Variants in TUT7 observed in about 807,000 individuals in gnomAD.
TUT7 encodes the protein terminal uridylyltransferase 7.
A neutral mutation model predicts 165.9 loss-of-function variants in TUT7; 33 were observed. The ratio of observed to expected loss-of-function variants is 0.20; its 90% CI spans 0.15 to 0.27. TUT7 has a LOEUF of 0.27. Ranked by LOEUF, TUT7 falls within the 10% of genes least tolerant of loss-of-function variation. The pLI is 1.00. For missense variants in TUT7, 1,338 were observed against 1,762.3 expected, an observed-to-expected ratio of 0.76 and a Z score of 4.31; for synonymous variants, 552 against 608.1, an observed-to-expected ratio of 0.91 and a Z score of 1.36.
rs149486999 is a variant in TUT7, at chr9:86,328,356, G to A, written c.1592C>T (p.Pro531Leu). The change falls in exon 11 of 27, where the codon CCG becomes CTG. Residue 531 changes from proline to leucine, a missense_variant. Coordinates refer to ENST00000375963, the MANE Select transcript of TUT7 (RefSeq NM_024617.4). ...ITKEEAPRET[P>L]IKRGQVSLIL... ...AGAACAGACCTGTCCCCTTTTAATCGGCGTTTCTCTTGGTGCCTCTTCTTT... is the reference window on the plus strand; with the variant it reads ...AGAACAGACCTGTCCCCTTTTAATCAGCGTTTCTCTTGGTGCCTCTTCTTT... The A allele has an allele frequency of 1.2e-5, 20 of 1,600,508 alleles. No homozygotes were observed. The highest frequency in any genetic ancestry group is 1.6e-5 in the Non-Finnish European group (19 of 1,174,222).
chr9:86,338,526 C>T (rs1338846991), intron 9 of TUT7, among the ~76,000 whole-genome samples: 1 of 152,134 alleles, frequency 6.6e-6, no homozygotes, highest in Non-Finnish European at 1.5e-5. Flanking sequence ...GCCTAACAAC[C>T]ACTGTGGTAA....
rs1356680304 is a variant in TUT7, at chr9:86,310,748, C to G, written c.3336G>C (p.Leu1112Phe). The G allele has an allele frequency of 1.2e-6, 2 of 1,613,450 alleles. No individual in the cohort carries two copies. The highest frequency in any genetic ancestry group is 2.2e-5 in the South Asian group (2 of 91,050). ...TGATATCTACTTCCAGACCACTTCTCAAATGGAAGAACTTCACAATTGGCA... is the reference window on the plus strand; with the variant it reads ...TGATATCTACTTCCAGACCACTTCTGAAATGGAAGAACTTCACAATTGGCA... The part of the protein sequence containing the change: ...AKVPIVKFFH[L>F]RSGLEVDISL... The change falls in exon 18 of 27, where the codon TTG becomes TTC. Residue 1112 changes from leucine (L) to phenylalanine (F), a missense_variant. By Grantham distance (22) the Leu-to-Phe change is conservative. Coordinates refer to ENST00000375963, the MANE Select transcript of TUT7 (RefSeq NM_024617.4).
chr9:86,299,654 A>G (rs568595864), intron 26 of TUT7, among the ~76,000 whole-genome samples: 2 of 152,270 alleles, frequency 1.3e-5, no homozygotes, highest in East Asian at 1.9e-4. Flanking sequence ...CCCGCCCCGC[A>G]TCTTTTTGAG....
At chr9:86,342,966 A>T in intron 6 of TUT7, 109 bp downstream of exon 6, 1 of 773,644 alleles carries the variant, frequency 1.3e-6, no homozygotes, top group Non-Finnish European at 2.1e-6. Flanking sequence ...TGCTGTCATT[A>T]CACTTAAAAT....
chr9:86,305,974 ATTT>A (rs1224682971), intron 22 of TUT7, among the ~76,000 whole-genome samples: 1 of 152,216 alleles, frequency 6.6e-6, no homozygotes, highest in Non-Finnish European at 1.5e-5. Flanking sequence ...AATGTCAAAG[ATTT>A]ATGTGAGGTG....
At position 86,325,510 on chromosome 9, in the gene TUT7, G is replaced by A; in HGVS notation, c.1613C>T (p.Ser538Leu). 6.2e-7 allele frequency: 1 copy of A among 1,612,244 alleles called. No homozygotes were observed. Among genetic ancestry groups the A allele is most frequent in the East Asian group, 2.2e-5 (1 of 44,842 alleles). The change falls in exon 12 of 27, where the codon TCA becomes TTA. Residue 538 changes from serine (S) to leucine (L), a missense_variant. This residue lies in a region of TUT7 where 53 missense variants were observed against 46.3 expected (regional missense o/e 1.15). Coordinates refer to ENST00000375963, the MANE Select transcript of TUT7 (RefSeq NM_024617.4). ...RETPIKRGQV[S>L]LILDVKHQPS... ...CTGGTGTTTCACATCCAATATTAAT[G>A]ACACCTATTAATAGCAAAGAGAAAC...
At chr9:86,316,898 AACGAT>A (rs150264495) in intron 17 of TUT7, among the ~76,000 whole-genome samples, 3,691 of 152,302 alleles carry the variant, frequency 0.024, 154 homozygotes, top group African/African-American at 0.083. Flanking sequence ...ATAAAAAACT[AACGAT>A]ACAACAATAA....
intron 25 of TUT7, among the ~76,000 whole-genome samples, chr9:86,302,030 C>A (rs1242992500): frequency 6.6e-6 from 1 of 152,128 alleles, no homozygotes; most frequent in Non-Finnish European, 1.5e-5. Context: ...AAGATTTATG[C>A]TCTTAAAATG....
intron 22 of TUT7, among the ~76,000 whole-genome samples, chr9:86,307,268 T>C (rs1325501673): frequency 2.0e-5 from 3 of 150,528 alleles, no homozygotes; most frequent in Non-Finnish European, 4.4e-5. Flanking sequence ...AGTGAGACTG[T>C]CTCAAGAAAA....
At chr9:86,298,308 T>A (rs1408736874) in intron 26 of TUT7, among the ~76,000 whole-genome samples, 1 of 152,126 alleles carries the variant, frequency 6.6e-6, no homozygotes, top group Middle Eastern at 3.2e-3. Context: ...GTCCTGAACT[T>A]GGAAAGGGAG....
chr9:86,304,979 G>T (rs755052083), intron 23 of TUT7, 32 bp from the exon 24 acceptor site: 1 of 1,476,984 alleles, frequency 6.8e-7, no homozygotes, highest in East Asian at 2.3e-5. Context: ...CACTTAGGCG[G>T]GTTAAAAGGA....
intron 10 of TUT7, 51 bp downstream of exon 10, chr9:86,337,368 G>A: frequency 1.3e-6 from 2 of 1,562,640 alleles, no homozygotes; most frequent in South Asian, 1.2e-5. Flanking sequence ...TTTAATTGTG[G>A]ACCTGTAATA....
Position 86,323,294 on chromosome 9 carries a change from C to G in TUT7, c.2456G>C (p.Gly819Ala). Residue 819 changes from glycine to alanine, a missense_variant, in exon 13 of 27, where the codon GGT (glycine) becomes GCT (alanine). This residue lies in a region of TUT7 where 425 missense variants were observed against 474.9 expected (regional missense o/e 0.89). Coordinates refer to ENST00000375963, the MANE Select transcript of TUT7 (RefSeq NM_024617.4). ...KADLDGESTE[G>A]TEELEDSLNH... ...TAGAGAGTCTTCTAGTTCCTCAGTA[C>G]CTTCTGTACTTTCTCCATCAAGATC... 2 of 1,614,114 alleles carry G rather than the reference C, an allele frequency of 1.2e-6. No individual in the cohort carries two copies. Among genetic ancestry groups the G allele is most frequent in the Non-Finnish European group, 1.7e-6 (2 of 1,180,026 alleles).
chr9:86,346,285 T>C lies in TUT7; in HGVS notation c.702+14A>G, dbSNP rs763042785. The C allele has an allele frequency of 1.6e-5, 26 of 1,609,404 alleles. No homozygotes were observed. The highest frequency in any genetic ancestry group is 2.2e-5 in the East Asian group (1 of 44,838). On this transcript the variant is annotated intron_variant, in intron 3 of 26. Coordinates refer to ENST00000375963, the MANE Select transcript of TUT7 (RefSeq NM_024617.4). ...CAGGATTCTAACCAACAAATATATATATAAGGATGTTACCCTTTTTAGCCT... is the reference window on the plus strand; with the variant it reads ...CAGGATTCTAACCAACAAATATATACATAAGGATGTTACCCTTTTTAGCCT...
chr9:86,338,977 G>A, intron 8 of TUT7, 28 bp from the exon 9 acceptor site: 2 of 1,528,086 alleles, frequency 1.3e-6, no homozygotes, highest in Admixed American at 2.1e-5. Flanking sequence ...AGGAGGATGG[G>A]AAAGAAAAAA....
intron 2 of TUT7, among the ~76,000 whole-genome samples, chr9:86,346,933 A>G (rs983878544): frequency 6.6e-6 from 1 of 152,184 alleles, no homozygotes; most frequent in Non-Finnish European, 1.5e-5. Context: ...TTCATCTTCT[A>G]TAAGTGAACA....
Position 86,308,511 on chromosome 9 carries a change from T to C in TUT7, c.3756A>G (p.Lys1252=). The C allele has an allele frequency of 6.2e-7, 1 of 1,614,164 alleles. No homozygotes were observed. Among genetic ancestry groups the C allele is most frequent in the Non-Finnish European group, 8.5e-7 (1 of 1,180,014 alleles). The change falls in exon 22 of 27, where the codon AAA becomes AAG. Residue 1252 remains lysine (K), a synonymous_variant. Transcript: ENST00000375963. Reference sequence around the variant, plus strand: ...TTCTCCTGATGCTAATAACATGTTCTTTAAAATCAAATTCCTCTGTGTAGA... The same window carrying C: ...TTCTCCTGATGCTAATAACATGTTCCTTAAAATCAAATTCCTCTGTGTAGA... The part of the protein sequence containing the change: ...LRFYTEEFDF[K]EHVISIRRKS...
intron 9 of TUT7, 101 bp from the exon 10 acceptor site, chr9:86,337,639 G>C: frequency 3.7e-6 from 5 of 1,341,062 alleles, no homozygotes; most frequent in Non-Finnish European, 5.1e-6. Context: ...TTTACTACAT[G>C]ATTTACGGTA....
In TUT7 at chr9:86,352,937, G is replaced by A; in HGVS notation, c.263C>T (p.Ala88Val). ...ATCTTTGTGGCTGTCATTCATCCAA[G>A]CGGGTTGACTGTAGATTGGGTTTTT... is the stretch of plus-strand genomic sequence containing the variant. ...AFKNPIYSQP[A>V]WMNDSHKDQS... Residue 88 changes from alanine (A) to valine (V), a missense_variant, in exon 2 of 27, where the codon GCT becomes GTT. Ala to Val is a moderately conservative substitution (Grantham distance 64). Transcript: ENST00000375963. 1 of 1,614,178 alleles carries A rather than the reference G, an allele frequency of 6.2e-7. No individual in the cohort carries two copies. The highest frequency in any genetic ancestry group is 8.5e-7 in the Non-Finnish European group (1 of 1,180,030).
Sources: allele counts gnomAD v4.1 joint callset (sites outside exome capture counted in the v4.1 genomes callset), GRCh38; gene constraint gnomAD v4.1.1; regional missense constraint gnomAD v4.1.1; transcripts MANE v1.5; gene names NCBI Gene and HGNC (gene_info 2026-07-23, HGNC 2026-07-21).